The following ENOX2 variants were observed in gnomAD, a reference collection of about 807,000 sequenced individuals.
ENOX2 encodes the protein APK1 antigen.
In ENOX2, 36 loss-of-function variants were observed where a neutral mutation model predicts 45.0. The observed-to-expected ratio is 0.80, with a 90% CI of 0.61 to 1.06. ENOX2 has a LOEUF of 1.06. Ranked by LOEUF, ENOX2 falls within the 50% of genes least tolerant of loss-of-function variation. The probability of loss-of-function intolerance (pLI) is 0.00; values close to 1 mark genes in which losing one functional copy is unlikely to be tolerated. For missense variants in ENOX2, 423 were observed against 462.5 expected (o/e 0.91, Z 0.78); for synonymous variants, 174 against 152.3 (o/e 1.14, Z -1.05).
chrX:130,675,785 C>A (rs5975219), intron 6 of ENOX2, among the ~76,000 whole-genome samples: 1 of 111,342 alleles, frequency 9.0e-6, no homozygotes, highest in Non-Finnish European at 1.9e-5. Flanking sequence ...TTGGGGATAA[C>A]AGACATATTC....
intron 3 of ENOX2, among the ~76,000 whole-genome samples, chrX:130,749,738 G>A (rs2148330938): frequency 9.0e-6 from 1 of 110,842 alleles, no homozygotes; most frequent in Non-Finnish European, 1.9e-5. Context: ...TAGTAGTGAT[G>A]GTGGGGCCTT....
intron 3 of ENOX2, among the ~76,000 whole-genome samples, chrX:130,778,009 A>C (rs1416284093): frequency 8.9e-6 from 1 of 111,994 alleles, no homozygotes; most frequent in African/African-American, 3.2e-5. Context: ...TTCAGCTGAC[A>C]TGCTAGAAAT....
At chrX:130,675,187 T>A (rs1439391248) in intron 6 of ENOX2, among the ~76,000 whole-genome samples, 1 of 111,728 alleles carries the variant, frequency 9.0e-6, no homozygotes, top group African/African-American at 3.3e-5. Context: ...CCCTAAGGAA[T>A]CACCACACTG....
Position 130,893,527 on chromosome X carries a change from T to A in ENOX2, c.-183+8157A>T, listed in dbSNP as rs540695938. On this transcript the variant is annotated intron_variant, in intron 2 of 14. Transcript: ENST00000394363. The stretch of plus-strand genomic sequence containing the variant: ...TTCTGTAAGACAGAAGTACAAAGAT[T>A]AGAAAGGTAGGTTGGAGCCAGATTG... Among the ~76,000 whole-genome samples, 26 of 111,981 alleles carry A rather than the reference T, an allele frequency of 2.3e-4. No homozygotes were observed. The South Asian group carries it at 7.8e-3, about 34-fold the overall frequency.
chrX:130,711,479 G>A (rs1178387828), intron 3 of ENOX2, among the ~76,000 whole-genome samples: 1 of 110,507 alleles, frequency 9.0e-6, no homozygotes, highest in African/African-American at 3.3e-5. Context: ...TATTAGACAA[G>A]CAGGATGGAT....
At chrX:130,700,325 C>T (rs774400772) in intron 4 of ENOX2, among the ~76,000 whole-genome samples, 35 of 112,469 alleles carry the variant, frequency 3.1e-4, no homozygotes, top group Non-Finnish European at 5.8e-4. Flanking sequence ...TTAACTAATA[C>T]CAGCATTTCC....
intron 2 of ENOX2, among the ~76,000 whole-genome samples, chrX:130,890,725 T>C (rs1227733597): frequency 1.8e-5 from 2 of 112,801 alleles, no homozygotes; most frequent in African/African-American, 6.4e-5. Flanking sequence ...ACAGCAAGGT[T>C]TGGTTTCACC....
chrX:130,789,267 G>C, intron 2 of ENOX2, among the ~76,000 whole-genome samples: 2 of 112,536 alleles, frequency 1.8e-5, no homozygotes, highest in South Asian at 7.4e-4. Context: ...ATTCTTGTGT[G>C]AGAAGATCAA....
intron 2 of ENOX2, among the ~76,000 whole-genome samples, chrX:130,784,912 A>G (rs1440704165): frequency 9.2e-6 from 1 of 108,716 alleles, no homozygotes; most frequent in Non-Finnish European, 1.9e-5. Flanking sequence ...TAACTCCCAA[A>G]TTTTCTATGG....
At chrX:130,791,748 A>G (rs1022189907) in intron 2 of ENOX2, among the ~76,000 whole-genome samples, 1 of 111,807 alleles carries the variant, frequency 8.9e-6, no homozygotes, top group Non-Finnish European at 1.9e-5. Context: ...TATCTTCTGC[A>G]TCTTAGGATT....
intron 2 of ENOX2, among the ~76,000 whole-genome samples, chrX:130,823,374 A>C (rs1449776855): frequency 9.0e-6 from 1 of 111,539 alleles, no homozygotes; most frequent in Non-Finnish European, 1.9e-5. Context: ...AGAATACCAG[A>C]AGCACAGTCT....
chrX:130,731,418 C>T (rs1270007205), intron 3 of ENOX2, among the ~76,000 whole-genome samples: 1 of 111,428 alleles, frequency 9.0e-6, no homozygotes, highest in East Asian at 2.8e-4. Context: ...AAGATGGGAG[C>T]CATACAAATA....
chrX:130,749,379 G>A (rs1167032240), intron 3 of ENOX2, among the ~76,000 whole-genome samples: 3 of 111,745 alleles, frequency 2.7e-5, no homozygotes. Flanking sequence ...AAAGCGGTCA[G>A]TTTGCTTTAT....
At chrX:130,639,142 A>C (rs1306664429) in intron 10 of ENOX2, among the ~76,000 whole-genome samples, 1 of 112,330 alleles carries the variant, frequency 8.9e-6, no homozygotes, top group Non-Finnish European at 1.9e-5. Flanking sequence ...GGGAAGGGGA[A>C]AAGGAACAAT....
At chrX:130,776,094 C>A (rs2039850107) in intron 3 of ENOX2, among the ~76,000 whole-genome samples, 1 of 111,298 alleles carries the variant, frequency 9.0e-6, no homozygotes, top group African/African-American at 3.3e-5. Flanking sequence ...CCTTACAGGT[C>A]CCAAGGACAA....
intron 2 of ENOX2, among the ~76,000 whole-genome samples, chrX:130,800,883 C>G (rs1218919311): frequency 8.9e-6 from 1 of 112,187 alleles, no homozygotes; most frequent in Non-Finnish European, 1.9e-5. Context: ...TGAAACAACT[C>G]CATTCTGGTT....
intron 3 of ENOX2, among the ~76,000 whole-genome samples, chrX:130,752,212 GT>G (rs1227189289): frequency 2.8e-5 from 3 of 107,473 alleles, no homozygotes; most frequent in Non-Finnish European, 5.8e-5. Flanking sequence ...CTCCCCATCT[GT>G]TTCCTCTATT....
intron 2 of ENOX2, among the ~76,000 whole-genome samples, chrX:130,844,908 C>A (rs1160158448): frequency 1.8e-5 from 2 of 111,938 alleles, no homozygotes; most frequent in Non-Finnish European, 3.8e-5. Context: ...CATAAAAGAC[C>A]AATTCTCATC....
At chrX:130,879,993 T>C (rs931479925) in intron 2 of ENOX2, among the ~76,000 whole-genome samples, 1 of 111,801 alleles carries the variant, frequency 8.9e-6, no homozygotes, top group Non-Finnish European at 1.9e-5. Flanking sequence ...AAAGAACCTA[T>C]ATGCAGAGTG....
Sources: allele counts gnomAD v4.1 joint callset (sites outside exome capture counted in the v4.1 genomes callset), GRCh38; gene constraint gnomAD v4.1.1; transcripts MANE v1.5; gene names NCBI Gene and HGNC (gene_info 2026-07-23, HGNC 2026-07-21).